The following WNK4 variants were observed in gnomAD, a reference collection of about 807,000 sequenced individuals.
WNK4 encodes serine/threonine-protein kinase WNK4.
Under a neutral mutation model 116.2 loss-of-function variants are expected in WNK4, and 94 were observed. That is an observed-to-expected ratio of 0.81 (90% CI 0.68 to 0.96). WNK4 has a LOEUF of 0.96. WNK4 is among the 40% of genes least tolerant of loss of function. WNK4 has a pLI of 0.00. For missense variants in WNK4, 1,542 were observed against 1,650.6 expected (o/e 0.93, Z 1.14); for synonymous variants, 655 against 672.7 (o/e 0.97, Z 0.41).
At chr17:42,796,434 C>A in intron 17 of WNK4, 47 bp from the exon 18 acceptor site, 1 of 1,614,048 alleles carries the variant, frequency 6.2e-7, no homozygotes, top group Non-Finnish European at 8.5e-7. Flanking sequence ...CTCTCCCCAC[C>A]TCCCCTTTCC....
At chr17:42,789,047 G>A (rs745441492) in intron 11 of WNK4, among the ~76,000 whole-genome samples, 11 of 152,292 alleles carry the variant, frequency 7.2e-5, no homozygotes, top group South Asian at 2.1e-4. Context: ...CAAGTGCTAC[G>A]TATAAGTGCC....
rs767213008 is a variant in WNK4 at position 42,796,586 on chromosome 17, C to G, written c.3729+8C>G. 1 of 1,614,180 alleles carries G rather than the reference C, an allele frequency of 6.2e-7. No individual in the cohort carries two copies. The highest frequency in any genetic ancestry group is 1.1e-5 in the South Asian group (1 of 91,082). On this transcript the variant is annotated splice_region_variant and intron_variant, in intron 18 of 18. Transcript: ENST00000246914. ...GGGGATGTTGGCAGGATGGTGAGGGCGGGCCCAAGGGAGGGAGAGCCCAGG... is the reference window on the plus strand; with the variant it reads ...GGGGATGTTGGCAGGATGGTGAGGGGGGGCCCAAGGGAGGGAGAGCCCAGG...
chr17:42,788,519 C>A, intron 10 of WNK4, 112 bp downstream of exon 10: 1 of 1,242,950 alleles, frequency 8.0e-7, no homozygotes, highest in Non-Finnish European at 1.2e-6. Flanking sequence ...ATGACTAGTA[C>A]TCAAGAGGCG....
rs1396428683 is a variant in WNK4 at position 42,781,082 on chromosome 17, G to A, written c.384G>A (p.Pro128=). ...AAGACTCCGCGCGTCCCGAGCTCCC[G>A]GACTCTGCAGTGGGCCCGGGGTCCA... ...AAEDSARPEL[P]DSAVGPGSRE... The change falls in exon 1 of 19, where the codon CCG becomes CCA. Residue 128 remains proline, a synonymous_variant. Transcript: ENST00000246914. 7 of 1,613,024 alleles carry A rather than the reference G, an allele frequency of 4.3e-6. No homozygotes were observed. In the African/African-American group the frequency reaches 8.0e-5, roughly 18 times the overall value.
At position 42,785,086 on chromosome 17, in the gene WNK4, C is replaced by A. The variant is rs1294610745; in HGVS notation, c.1171-11C>A. Reference sequence around the variant, plus strand: ...CAGAGGACGGGAGGTGTCATGCAACCCCTTCCCCAGGGCAGAAAGCCGAAC... The same window carrying A: ...CAGAGGACGGGAGGTGTCATGCAACACCTTCCCCAGGGCAGAAAGCCGAAC... On this transcript the variant is annotated splice_polypyrimidine_tract_variant and intron_variant, in intron 4 of 18. Transcript: ENST00000246914. 1 of 1,610,688 alleles carries A rather than the reference C, an allele frequency of 6.2e-7. No individual in the cohort carries two copies. The highest frequency in any genetic ancestry group is 8.5e-7 in the Non-Finnish European group (1 of 1,178,804).
Position 42,796,253 on chromosome 17 carries a change from C to A in WNK4, c.3562C>A (p.Arg1188Ser). The A allele has an allele frequency of 6.2e-7, 1 of 1,611,962 alleles. No individual in the cohort carries two copies. The highest frequency in any genetic ancestry group is 1.3e-5 in the African/African-American group (1 of 75,020). ...TGCTATGCTGTCCAGCCGCCAGCGC[C>A]GCCTCTCCAAGGGCAGCTTCCCCAC... is the stretch of plus-strand genomic sequence containing the variant. ...PAAMLSSRQR[R>S]LSKGSFPTSR... The change falls in exon 17 of 19, where the codon CGC (arginine) becomes AGC (serine). Residue 1188 changes from arginine (R) to serine (S), a missense_variant. This residue lies in a region of WNK4 where 148 missense variants were observed against 157.2 expected (regional missense o/e 0.94). Coordinates refer to ENST00000246914, the MANE Select transcript of WNK4 (RefSeq NM_032387.5).
At position 42,795,507 on chromosome 17, in the gene WNK4, C is replaced by T. The variant is rs765986627; in HGVS notation, c.3008C>T (p.Ala1003Val). Residue 1003 changes from alanine to valine, a missense_variant, in exon 15 of 19, where the codon GCG (alanine) becomes GTG (valine). Physicochemically the swap from Ala to Val is moderately conservative, Grantham distance 64. This residue lies in a region of WNK4 where 292 missense variants were observed against 290.1 expected (regional missense o/e 1.01). Coordinates refer to ENST00000246914, the MANE Select transcript of WNK4 (RefSeq NM_032387.5). ...ARPLPGEARL[A>V]PISEEGKPQL... ...CCCCTCCCAGGGGAAGCCAGGCTGG[C>T]GCCCATCTCTGAAGGTAAGGCCTCT... The T allele has an allele frequency of 2.4e-5, 39 of 1,614,130 alleles. No homozygotes were observed. Among genetic ancestry groups the T allele is most frequent in the Middle Eastern group, 1.6e-4 (1 of 6,084 alleles).
At chr17:42,788,227 C>G in intron 9 of WNK4, 39 bp downstream of exon 9, 2 of 1,613,798 alleles carry the variant, frequency 1.2e-6, no homozygotes, top group Non-Finnish European at 1.7e-6. Flanking sequence ...GGGTGAGACA[C>G]CTGGGGCACT....
chr17:42,789,531 G>A (rs1004010716), intron 11 of WNK4, among the ~76,000 whole-genome samples: 1 of 152,010 alleles, frequency 6.6e-6, no homozygotes, highest in Non-Finnish European at 1.5e-5. Context: ...GGGTGTGGTG[G>A]CGCATGCCTG....
rs61755636 is a variant in WNK4 at position 42,797,023 on chromosome 17, C to G, written c.*335C>G. ...GCTGGGAGAGTGTAGGGGATATGCT[C>G]ACACCACATTAGCAGCAACCAATAA... On this transcript the variant is annotated 3_prime_UTR_variant, in exon 19 of 19. Coordinates refer to ENST00000246914, the MANE Select transcript of WNK4 (RefSeq NM_032387.5). 1,681 of 454,366 alleles carry G rather than the reference C, an allele frequency of 3.7e-3. 16 individuals carry two copies. Among genetic ancestry groups the G allele is most frequent in the African/African-American group, 0.026 (1,339 of 50,982 alleles). The allele number at this position is 454,366 out of a possible 1,614,324, so 28.1% of individuals were successfully genotyped here.
In WNK4 at chr17:42,796,165, A is replaced by T. The variant is rs778501298; in HGVS notation, c.3474A>T (p.Lys1158Asn). The change falls in exon 17 of 19, where the codon AAA (lysine) becomes AAT (asparagine). Residue 1158 changes from lysine to asparagine, a missense_variant. By Grantham distance (94) the Lys-to-Asn change is moderately conservative. Around this residue, in one of 7 missense-constraint regions of WNK4, gnomAD observed 148 missense variants for 157.2 expected, o/e 0.94. Coordinates refer to ENST00000246914, the MANE Select transcript of WNK4 (RefSeq NM_032387.5). ...EVETLQTLQK[K>N]EIEDLYSRLG... ...AAACACTACAGACACTACAGAAAAA[A>T]GAAATTGAAGATTTGTACAGCCGGC... The T allele has an allele frequency of 1.4e-5, 22 of 1,614,046 alleles. No individual in the cohort carries two copies. The East Asian group carries it at 4.7e-4, about 34-fold the overall frequency.
In WNK4 at chr17:42,796,903, G is replaced by A; in HGVS notation, c.*215G>A. 1 of 893,822 alleles carries A rather than the reference G, an allele frequency of 1.1e-6. No individual in the cohort carries two copies. Among genetic ancestry groups the A allele is most frequent in the Middle Eastern group, 3.5e-4 (1 of 2,858 alleles). The allele number at this position is 893,822 out of a possible 1,614,324, so 55.4% of individuals were successfully genotyped here. A position where few individuals can be genotyped will look rare whatever the true frequency, so the allele number is the denominator to read the frequency against. ...GCTGTGTGGAGGTGTTAGTTCTGCT[G>A]CCTACCATCTTCATCTCTAGCACCT... On this transcript the variant is annotated 3_prime_UTR_variant, in exon 19 of 19. Transcript: ENST00000246914.
At chr17:42,790,619 C>T (rs921559258) in intron 11 of WNK4, among the ~76,000 whole-genome samples, 4 of 151,814 alleles carry the variant, frequency 2.6e-5, no homozygotes, top group African/African-American at 9.7e-5. Flanking sequence ...GAGTGGGAAG[C>T]GGGAGGGTAG....
At chr17:42,783,899 T>TC (rs1351706754) in intron 2 of WNK4, 38 bp from the exon 3 acceptor site, 8 of 1,579,048 alleles carry the variant, frequency 5.1e-6, no homozygotes, top group African/African-American at 1.3e-5. Context: ...GGAGGACGTG[T>TC]CCCCCCACCA....
chr17:42,785,192 G>A lies in WNK4; in HGVS notation c.1259+7G>A, dbSNP rs1207248014. ...GCACGGATAAGAACGAGAGGTGGGG[G>A]TGAAAGGGCAGAGCGTGGGTAGAAT... On this transcript the variant is annotated splice_region_variant and intron_variant, in intron 5 of 18. Transcript: ENST00000246914. 2 of 1,613,468 alleles carry A rather than the reference G, an allele frequency of 1.2e-6. No individual in the cohort carries two copies. Among genetic ancestry groups the A allele is most frequent in the Admixed American group, 1.7e-5 (1 of 59,868 alleles).
chr17:42,781,447 C>T, intron 1 of WNK4, 131 bp downstream of exon 1: 1 of 1,244,760 alleles, frequency 8.0e-7, no homozygotes, highest in South Asian at 1.4e-5. Context: ...ATAGACACCT[C>T]TGCTGTCTTT....
Position 42,796,238 on chromosome 17 carries a change from TCCAGCCG to T in WNK4, c.3553_3559del (p.Arg1185AlafsTer32), listed in dbSNP as rs774468813. Reference sequence around the variant, plus strand: ...TATTGTGGCCCCAGCTGCTATGCTGTCCAGCCGCCAGCGCCGCCTCTCCAAGGGCAGC... The same window carrying T: ...TATTGTGGCCCCAGCTGCTATGCTGTCCAGCGCCGCCTCTCCAAGGGCAGC... On this transcript the variant is annotated frameshift_variant, in exon 17 of 19. Coordinates refer to ENST00000246914, the MANE Select transcript of WNK4 (RefSeq NM_032387.5). LOFTEE classifies it high-confidence loss of function. The T allele has an allele frequency of 6.2e-7, 1 of 1,612,152 alleles. No homozygotes were observed. Among genetic ancestry groups the T allele is most frequent in the Non-Finnish European group, 8.5e-7 (1 of 1,179,510 alleles).
chr17:42,787,159 G>A, intron 6 of WNK4, 119 bp from the exon 7 acceptor site: 1 of 1,418,506 alleles, frequency 7.0e-7, no homozygotes, highest in Non-Finnish European at 9.6e-7. Flanking sequence ...AGACATAGTG[G>A]GTAATCAGTA....
chr17:42,787,935 C>T (rs370317013), intron 8 of WNK4, 36 bp downstream of exon 8: 436 of 1,608,092 alleles, frequency 2.7e-4, no homozygotes, highest in Non-Finnish European at 3.6e-4. Context: ...CCCAGCCATT[C>T]CAAGCCTATG....
Sources: allele counts gnomAD v4.1 joint callset (sites outside exome capture counted in the v4.1 genomes callset), GRCh38; gene constraint gnomAD v4.1.1; regional missense constraint gnomAD v4.1.1; transcripts MANE v1.5; gene names NCBI Gene and HGNC (gene_info 2026-07-23, HGNC 2026-07-21).